The following PRKX variants were observed in gnomAD, a reference collection of about 807,000 sequenced individuals.
PRKX encodes the protein protein kinase cAMP-dependent X-linked catalytic subunit, also known as cAMP-dependent protein kinase catalytic subunit PRKX.
Under a neutral mutation model 22.0 loss-of-function variants are expected in PRKX, and 12 were observed. The observed-to-expected ratio is 0.54, with a 90% CI of 0.35 to 0.88. The LOEUF is 0.88. Ranked by LOEUF, PRKX falls within the 40% of genes least tolerant of loss-of-function variation. The pLI, the probability that PRKX is intolerant of heterozygous loss-of-function variation, is 0.01. For missense variants in PRKX, 217 were observed against 308.0 expected, an observed-to-expected ratio of 0.70 and a Z score of 2.21; for synonymous variants, 134 against 137.7, an observed-to-expected ratio of 0.97 and a Z score of 0.19.
At chrX:3,635,634 C>G (rs2146568587) in intron 4 of PRKX, among the ~76,000 whole-genome samples, 1 of 111,169 alleles carries the variant, frequency 9.0e-6, no homozygotes, top group East Asian at 2.8e-4. Flanking sequence ...GTTACCCAAG[C>G]TGATGTGCAC....
intron 1 of PRKX, among the ~76,000 whole-genome samples, chrX:3,686,260 C>T (rs1466707043): frequency 9.0e-6 from 1 of 111,361 alleles, no homozygotes; most frequent in Non-Finnish European, 1.9e-5. Context: ...TTTGTACTCC[C>T]AACTCAGCTC....
At chrX:3,711,259 T>C (rs1444474533) in intron 1 of PRKX, among the ~76,000 whole-genome samples, 2 of 110,090 alleles carry the variant, frequency 1.8e-5, no homozygotes, top group Non-Finnish European at 3.8e-5. Flanking sequence ...CAGGAAGTTA[T>C]CCTTGAGAAA....
chrX:3,713,142 A>G lies in PRKX; in HGVS notation c.112T>C (p.Ser38Pro). The change falls in exon 1 of 9, where the codon TCG becomes CCG. Residue 38 changes from serine to proline, a missense_variant. By Grantham distance (74) the Ser-to-Pro change is moderately conservative. Transcript: ENST00000262848. ...PALCPSPEAL[S>P]PEPPVYSLQD... ...AGGCTGTACACAGGCGGCTCCGGCG[A>G]CAGCGCCTCAGGGCTGGGGCAGAGC... 8.7e-7 allele frequency: 1 copy of G among 1,154,006 alleles called. No individual in the cohort carries two copies. Among genetic ancestry groups the G allele is most frequent in the African/African-American group, 1.8e-5 (1 of 54,317 alleles).
At chrX:3,668,664 G>A (rs1028537786) in intron 2 of PRKX, among the ~76,000 whole-genome samples, 2 of 112,041 alleles carry the variant, frequency 1.8e-5, no homozygotes, top group African/African-American at 6.5e-5. Flanking sequence ...TGCCTTCCAA[G>A]TTCTGTAGAA....
At chrX:3,655,464 G>T (rs185606976) in intron 2 of PRKX, 52 bp from the exon 3 acceptor site, 2 of 1,195,007 alleles carry the variant, frequency 1.7e-6, no homozygotes, top group East Asian at 6.0e-5. Flanking sequence ...AGGGCAGGGG[G>T]TACGCCGTCA....
intron 2 of PRKX, among the ~76,000 whole-genome samples, chrX:3,674,290 G>A (rs1927904186): frequency 9.0e-6 from 1 of 111,630 alleles, no homozygotes; most frequent in African/African-American, 3.3e-5. Flanking sequence ...GAGGTGAGGA[G>A]ACAAAGATTT....
At chrX:3,616,784 A>G (rs912691296) in intron 6 of PRKX, among the ~76,000 whole-genome samples, 1 of 112,102 alleles carries the variant, frequency 8.9e-6, no homozygotes, top group Non-Finnish European at 1.9e-5. Flanking sequence ...TTATTGCAAA[A>G]CAGGTATTTT....
intron 2 of PRKX, among the ~76,000 whole-genome samples, chrX:3,668,418 T>C (rs1409377373): frequency 1.8e-5 from 2 of 111,409 alleles, no homozygotes; most frequent in Non-Finnish European, 3.8e-5. Context: ...GGAGAGAACA[T>C]GGTGTTCTTT....
intron 4 of PRKX, among the ~76,000 whole-genome samples, chrX:3,631,122 T>C (rs1444781202): frequency 8.9e-6 from 1 of 112,288 alleles, no homozygotes; most frequent in Admixed American, 9.5e-5. Flanking sequence ...GAAATGTCCA[T>C]GAGCAAAAAT....
chrX:3,640,104 T>A (rs1927042417), intron 4 of PRKX, among the ~76,000 whole-genome samples: 1 of 109,840 alleles, frequency 9.1e-6, no homozygotes, highest in African/African-American at 3.3e-5. Flanking sequence ...TGAGGGAGGA[T>A]CTGGCTTTTG....
intron 3 of PRKX, among the ~76,000 whole-genome samples, chrX:3,648,737 T>G (rs1409420539): frequency 5.3e-4 from 56 of 106,418 alleles, no homozygotes; most frequent in Admixed American, 1.9e-3. Context: ...CAGAGGACAG[T>G]AATCAATGTA....
chrX:3,630,151 T>C (rs952455010), intron 4 of PRKX, among the ~76,000 whole-genome samples: 2 of 112,260 alleles, frequency 1.8e-5, no homozygotes, highest in African/African-American at 3.2e-5. Flanking sequence ...TAAAAAAATA[T>C]ATATACTTAA....
At chrX:3,703,114 C>A (rs955295143) in intron 1 of PRKX, among the ~76,000 whole-genome samples, 1 of 111,324 alleles carries the variant, frequency 9.0e-6, no homozygotes, top group Non-Finnish European at 1.9e-5. Context: ...CTTCTCTTCT[C>A]TCCACCTTAT....
At chrX:3,613,569 G>C (rs1418349629) in intron 7 of PRKX, among the ~76,000 whole-genome samples, 1 of 109,946 alleles carries the variant, frequency 9.1e-6, no homozygotes, top group African/African-American at 3.3e-5. Flanking sequence ...ATCAGCCCAG[G>C]CCCAGTGGCT....
intron 7 of PRKX, among the ~76,000 whole-genome samples, chrX:3,613,994 C>T (rs772483281): frequency 9.1e-6 from 1 of 109,736 alleles, no homozygotes; most frequent in South Asian, 3.9e-4. Flanking sequence ...AAGGTGAAAA[C>T]ACTACCATTG....
At chrX:3,631,265 C>G (rs1353949969) in intron 4 of PRKX, among the ~76,000 whole-genome samples, 3 of 112,383 alleles carry the variant, frequency 2.7e-5, no homozygotes, top group African/African-American at 6.5e-5. Flanking sequence ...TATTGGGAAA[C>G]AGGGTTTTCA....
chrX:3,698,368 G>A (rs111599838), intron 1 of PRKX, among the ~76,000 whole-genome samples: 5,924 of 110,719 alleles, frequency 0.054, 411 homozygotes, highest in African/African-American at 0.18. Context: ...AGAGAGATGG[G>A]GTTTTGCTGT....
chrX:3,684,362 G>A (rs1928134063), intron 1 of PRKX, among the ~76,000 whole-genome samples: 1 of 111,916 alleles, frequency 8.9e-6, no homozygotes, highest in Non-Finnish European at 1.9e-5. Context: ...CCTCTATCAA[G>A]TGTTGGTTAT....
At chrX:3,689,598 T>C (rs1015145638) in intron 1 of PRKX, among the ~76,000 whole-genome samples, 2 of 111,972 alleles carry the variant, frequency 1.8e-5, no homozygotes, top group Non-Finnish European at 3.8e-5. Context: ...GAGGATCACT[T>C]GAGCCCAGGA....
Sources: allele counts gnomAD v4.1 joint callset (sites outside exome capture counted in the v4.1 genomes callset), GRCh38; gene constraint gnomAD v4.1.1; transcripts MANE v1.5; gene names NCBI Gene and HGNC (gene_info 2026-07-23, HGNC 2026-07-21).